GRM7: variants seen among roughly 807,000 people sequenced by gnomAD.
GRM7 encodes the protein metabotropic glutamate receptor 7.
In GRM7, 35 loss-of-function variants were observed where a neutral mutation model predicts 84.5. The ratio of observed to expected loss-of-function variants is 0.41; its 90% CI spans 0.32 to 0.55. GRM7 has a LOEUF of 0.55. Among genes scored for constraint, GRM7 ranks in the 20% least tolerant of loss-of-function variants. The pLI is 0.19. For missense variants in GRM7, 1,003 were observed against 1,194.6 expected (o/e 0.84, Z 2.36); for synonymous variants, 487 against 455.1 (o/e 1.07, Z -0.89).
chr3:7,638,979 C>T (rs1401541565), intron 8 of GRM7, among the ~76,000 whole-genome samples: 1 of 152,194 alleles, frequency 6.6e-6, no homozygotes, highest in Non-Finnish European at 1.5e-5. Flanking sequence ...AGGTTTTCCT[C>T]TAATTTGGGA....
At chr3:7,482,023 C>G (rs1473911946) in intron 7 of GRM7, among the ~76,000 whole-genome samples, 1 of 152,064 alleles carries the variant, frequency 6.6e-6, no homozygotes, top group Non-Finnish European at 1.5e-5. Flanking sequence ...CCTGTCTCTA[C>G]TAAAAATACA....
chr3:7,025,512 G>T (rs1695949839), intron 1 of GRM7, among the ~76,000 whole-genome samples: 1 of 152,302 alleles, frequency 6.6e-6, no homozygotes, highest in South Asian at 2.1e-4. Flanking sequence ...TGTCTTCAAA[G>T]TATGACATTT....
chr3:7,015,803 A>G (rs889324461), intron 1 of GRM7, among the ~76,000 whole-genome samples: 1 of 152,196 alleles, frequency 6.6e-6, no homozygotes, highest in African/African-American at 2.4e-5. Flanking sequence ...GGCTTCTCCC[A>G]TTGTAAGTGA....
At chr3:6,893,954 G>C (rs1161359402) in intron 1 of GRM7, 1 of 152,052 alleles carries the variant, frequency 6.6e-6, no homozygotes, top group Non-Finnish European at 1.5e-5. Context: ...CTATTAAATT[G>C]TTCATTCTTT....
intron 1 of GRM7, among the ~76,000 whole-genome samples, chr3:6,972,455 C>G (rs1438010331): frequency 6.6e-6 from 1 of 152,146 alleles, no homozygotes; most frequent in Non-Finnish European, 1.5e-5. Context: ...CATAATGATA[C>G]AAATCATGTG....
rs945921241 is a variant in GRM7 at position 6,985,904 on chromosome 3, G to A, written c.519+123997G>A. ...GAGGATGTTTTCAAGACTTAAATTC[G>A]CTTATTTGAAGTCTTTAAAAATTCC... On this transcript the variant is annotated intron_variant, in intron 1 of 9. Coordinates refer to ENST00000357716, the MANE Select transcript of GRM7 (RefSeq NM_000844.4). Among the ~76,000 whole-genome samples, 5 of 152,064 alleles carry A rather than the reference G, an allele frequency of 3.3e-5. No individual in the cohort carries two copies. In the East Asian group the frequency reaches 7.7e-4, roughly 24 times the overall value.
chr3:7,212,547 T>C (rs1312848039), intron 2 of GRM7, among the ~76,000 whole-genome samples: 5 of 152,134 alleles, frequency 3.3e-5, no homozygotes, highest in Admixed American at 1.3e-4. Flanking sequence ...ATGCCCAGGA[T>C]ATTGCAGAAT....
chr3:7,246,014 AC>A (rs1697745747), intron 2 of GRM7, among the ~76,000 whole-genome samples: 6 of 152,160 alleles, frequency 3.9e-5, no homozygotes, highest in Non-Finnish European at 2.9e-5. Flanking sequence ...AATGTAAATA[AC>A]TGAAGAGATA....
At chr3:6,956,048 G>A (rs1693035550) in intron 1 of GRM7, among the ~76,000 whole-genome samples, 1 of 152,116 alleles carries the variant, frequency 6.6e-6, no homozygotes, top group Admixed American at 6.5e-5. Flanking sequence ...TATTAGTAAA[G>A]ACAAATTCCA....
intron 1 of GRM7, among the ~76,000 whole-genome samples, chr3:7,039,426 G>T (rs1237183831): frequency 1.3e-5 from 2 of 152,150 alleles, no homozygotes; most frequent in Non-Finnish European, 1.5e-5. Flanking sequence ...TTCTTCTAAT[G>T]AAGTGCACAG....
intron 9 of GRM7, among the ~76,000 whole-genome samples, chr3:7,700,759 C>T (rs558664303): frequency 2.8e-4 from 42 of 152,152 alleles, no homozygotes; most frequent in Non-Finnish European, 5.1e-4. Context: ...ACATCTGCCA[C>T]GCATTGTTAG....
At chr3:7,314,815 C>T (rs1700525822) in intron 4 of GRM7, among the ~76,000 whole-genome samples, 3 of 151,984 alleles carry the variant, frequency 2.0e-5, no homozygotes, top group Non-Finnish European at 2.9e-5. Context: ...GCCATATCTT[C>T]CTATTTATTT....
intron 1 of GRM7, among the ~76,000 whole-genome samples, chr3:6,974,118 A>T (rs988625737): frequency 6.6e-6 from 1 of 152,158 alleles, no homozygotes; most frequent in South Asian, 2.1e-4. Context: ...AAGAGAGAGG[A>T]TGCAAAACAT....
chr3:7,576,387 G>A (rs1008817572), intron 7 of GRM7, among the ~76,000 whole-genome samples: 17 of 152,276 alleles, frequency 1.1e-4, no homozygotes, highest in Middle Eastern at 6.8e-3. Context: ...GAAGATGCTT[G>A]GATCTCTGGT....
intron 2 of GRM7, among the ~76,000 whole-genome samples, chr3:7,159,435 A>G (rs1368957545): frequency 6.6e-6 from 1 of 152,156 alleles, no homozygotes; most frequent in African/African-American, 2.4e-5. Context: ...CCCAGAGTGA[A>G]AGAGATGAGC....
chr3:7,352,528 C>A (rs1312416976), intron 4 of GRM7, among the ~76,000 whole-genome samples: 1 of 152,032 alleles, frequency 6.6e-6, no homozygotes, highest in Non-Finnish European at 1.5e-5. Context: ...GTTGAAATTA[C>A]TGAAAATCAA....
intron 1 of GRM7, among the ~76,000 whole-genome samples, chr3:7,121,987 T>C (rs559393540): frequency 6.6e-6 from 1 of 152,276 alleles, no homozygotes; most frequent in South Asian, 2.1e-4. Flanking sequence ...TCTCACATGC[T>C]CACTTTCACC....
At chr3:7,028,499 C>T (rs1696063021) in intron 1 of GRM7, among the ~76,000 whole-genome samples, 1 of 152,170 alleles carries the variant, frequency 6.6e-6, no homozygotes, top group Non-Finnish European at 1.5e-5. Flanking sequence ...AGTCTGAACT[C>T]ACTTCTAGCT....
intron 9 of GRM7, among the ~76,000 whole-genome samples, chr3:7,682,838 A>G (rs1700432350): frequency 6.6e-6 from 1 of 152,234 alleles, no homozygotes; most frequent in Non-Finnish European, 1.5e-5. Flanking sequence ...TACTCATTGA[A>G]ATAGGCATTA....
Sources: allele counts gnomAD v4.1 joint callset (sites outside exome capture counted in the v4.1 genomes callset), GRCh38; gene constraint gnomAD v4.1.1; transcripts MANE v1.5; gene names NCBI Gene and HGNC (gene_info 2026-07-23, HGNC 2026-07-21).